TBC1D22A: variants seen among roughly 807,000 people sequenced by gnomAD.
TBC1D22A encodes putative GTPase activator.
A neutral mutation model predicts 60.2 loss-of-function variants in TBC1D22A; 38 were observed. The ratio of observed to expected loss-of-function variants is 0.63; its 90% confidence interval spans 0.49 to 0.83. TBC1D22A has a LOEUF of 0.83. Among genes scored for constraint, TBC1D22A ranks in the 40% least tolerant of loss-of-function variants. The probability of loss-of-function intolerance (pLI) is 0.00; values close to 1 mark genes in which losing one functional copy is unlikely to be tolerated. For missense variants in TBC1D22A, 628 were observed against 701.0 expected (o/e 0.90, Z 1.18); for synonymous variants, 302 against 281.7 (o/e 1.07, Z -0.72).
rs778372230 is a variant in TBC1D22A, at chr22:47,037,187, G to A, written c.1318G>A (p.Asp440Asn). ...CCTGCGTTGTACCATCCGCCTGTGG[G>A]ACACCTACCAGGTGAGCTCTCCTTC... Reference protein sequence around the residue: ...VPLRCTIRLWDTYQSEPDGFS... With the variant: ...VPLRCTIRLWNTYQSEPDGFS... Residue 440 changes from aspartate (D) to asparagine (N), a missense_variant, in exon 11 of 13, where the codon GAC becomes AAC. By Grantham distance (23) the Asp-to-Asn change is conservative (BLOSUM62 1). Coordinates refer to ENST00000337137, the MANE Select transcript of TBC1D22A (RefSeq NM_014346.5). 3.1e-6 allele frequency: 5 copies of A among 1,613,676 alleles called. No homozygotes were observed. Among genetic ancestry groups the A allele is most frequent in the Non-Finnish European group, 4.2e-6 (5 of 1,179,874 alleles).
intron 9 of TBC1D22A, among the ~76,000 whole-genome samples, chr22:46,983,189 C>A (rs57639715): frequency 6.6e-6 from 1 of 152,142 alleles, no homozygotes; most frequent in African/African-American, 2.4e-5. Context: ...ACCATCTGGT[C>A]AGAGGTTTCC....
At chr22:46,918,256 G>C (rs1394322196) in intron 8 of TBC1D22A, among the ~76,000 whole-genome samples, 1 of 152,226 alleles carries the variant, frequency 6.6e-6, no homozygotes, top group Non-Finnish European at 1.5e-5. Context: ...CCCTGTCCTA[G>C]GTTTGGAGAG....
At chr22:46,774,540 C>G (rs2083618157) in intron 1 of TBC1D22A, among the ~76,000 whole-genome samples, 1 of 152,246 alleles carries the variant, frequency 6.6e-6, no homozygotes, top group Admixed American at 6.5e-5. Context: ...GAAGTAGAGG[C>G]TGAGAACGTC....
chr22:47,164,444 A>AG (rs1337540404), intron 12 of TBC1D22A, among the ~76,000 whole-genome samples: 2 of 152,048 alleles, frequency 1.3e-5, no homozygotes, highest in African/African-American at 4.8e-5. Context: ...AGCTCCTCCT[A>AG]GGGAGGTTTT....
intron 12 of TBC1D22A, among the ~76,000 whole-genome samples, chr22:47,126,401 C>T (rs992215305): frequency 6.6e-6 from 1 of 152,172 alleles, no homozygotes; most frequent in Non-Finnish European, 1.5e-5. Context: ...TGGAGGTGGC[C>T]CACGCTTCCC....
At chr22:47,082,428 G>A (rs570373719) in intron 11 of TBC1D22A, among the ~76,000 whole-genome samples, 2 of 152,118 alleles carry the variant, frequency 1.3e-5, no homozygotes, top group Non-Finnish European at 2.9e-5. Context: ...TAATAGAATC[G>A]AGTAGAGATC....
At chr22:46,858,677 C>G (rs893554201) in intron 4 of TBC1D22A, among the ~76,000 whole-genome samples, 1 of 152,324 alleles carries the variant, frequency 6.6e-6, no homozygotes. Context: ...CTGAGCGATA[C>G]GCTGGCGGGT....
intron 12 of TBC1D22A, among the ~76,000 whole-genome samples, chr22:47,170,970 G>A (rs1409873636): frequency 6.6e-6 from 1 of 152,240 alleles, no homozygotes; most frequent in African/African-American, 2.4e-5. Flanking sequence ...GGATGGCCGG[G>A]GGGCCTGCCT....
chr22:46,804,740 G>A (rs2085055260), intron 4 of TBC1D22A, among the ~76,000 whole-genome samples: 1 of 152,202 alleles, frequency 6.6e-6, no homozygotes, highest in Non-Finnish European at 1.5e-5. Context: ...CAGTTTAATA[G>A]GAAACCTTTC....
intron 1 of TBC1D22A, among the ~76,000 whole-genome samples, chr22:46,785,655 A>G (rs5767357): frequency 0.51 from 77,183 of 152,044 alleles, 20,021 homozygotes; most frequent in Middle Eastern, 0.67. Flanking sequence ...TTCTCTGTAT[A>G]TAGAATTGTC....
At chr22:46,944,968 A>G (rs1034487187) in intron 8 of TBC1D22A, among the ~76,000 whole-genome samples, 9 of 152,212 alleles carry the variant, frequency 5.9e-5, no homozygotes, top group Non-Finnish European at 1.0e-4. Flanking sequence ...AGATTATCTC[A>G]ATTTCTGTCA....
At chr22:46,958,417 G>T (rs6009072) in intron 8 of TBC1D22A, among the ~76,000 whole-genome samples, 1 of 152,044 alleles carries the variant, frequency 6.6e-6, no homozygotes, top group Non-Finnish European at 1.5e-5. Context: ...ACCATCAGTC[G>T]TTACATTGGG....
chr22:46,945,343 T>G (rs1173396153), intron 8 of TBC1D22A, among the ~76,000 whole-genome samples: 1 of 152,250 alleles, frequency 6.6e-6, no homozygotes, highest in Non-Finnish European at 1.5e-5. Context: ...AGAAGGCCTG[T>G]TTGACCGTTG....
At chr22:47,068,772 C>T (rs1040902965) in intron 11 of TBC1D22A, among the ~76,000 whole-genome samples, 1 of 152,182 alleles carries the variant, frequency 6.6e-6, no homozygotes, top group Non-Finnish European at 1.5e-5. Flanking sequence ...AGGAGACATG[C>T]AAATGAGGCC....
At chr22:46,911,929 A>AC (rs1255786676) in intron 7 of TBC1D22A, 145 bp from the exon 8 acceptor site, 4 of 578,360 alleles carry the variant, frequency 6.9e-6, no homozygotes, top group East Asian at 6.0e-5. Flanking sequence ...AAAAAAAAAA[A>AC]AAAATTGATA....
At chr22:46,982,427 T>C (rs1201405378) in intron 9 of TBC1D22A, among the ~76,000 whole-genome samples, 1 of 152,116 alleles carries the variant, frequency 6.6e-6, no homozygotes, top group Non-Finnish European at 1.5e-5. Flanking sequence ...TTTCACCATG[T>C]TGGCCAGGAT....
chr22:46,977,186 C>G (rs1005494185), intron 9 of TBC1D22A, among the ~76,000 whole-genome samples: 5 of 152,184 alleles, frequency 3.3e-5, no homozygotes, highest in African/African-American at 1.2e-4. Flanking sequence ...GTCCCATTTG[C>G]AGGGAAGTTC....
rs143068090 is a variant in TBC1D22A at position 46,809,200 on chromosome 22, C to G, written c.637+11580C>G. On this transcript the variant is annotated intron_variant, in intron 4 of 12. Coordinates refer to ENST00000337137, the MANE Select transcript of TBC1D22A (RefSeq NM_014346.5). The stretch of plus-strand genomic sequence containing the variant: ...CGGGAAGGGCTCTCCTCCCGGCTTG[C>G]AGATGCCACATTTTTGCTGAGTTGT... Among the ~76,000 whole-genome samples the G allele has an allele frequency of 6.4e-3, 982 of 152,258 alleles. 2 individuals are homozygous for G. Among genetic ancestry groups the G allele is most frequent in the Non-Finnish European group, 9.2e-3 (627 of 68,024 alleles).
chr22:47,027,392 T>C (rs1444233677), intron 10 of TBC1D22A, among the ~76,000 whole-genome samples: 1 of 152,172 alleles, frequency 6.6e-6, no homozygotes, highest in African/African-American at 2.4e-5. Context: ...CATGAGTAAG[T>C]TCTTTAGTGG....
Sources: gnomAD v4.1 joint callset for allele counts (sites outside exome capture counted in the v4.1 genomes callset) on GRCh38, gnomAD v4.1.1 for gene constraint, MANE v1.5 for transcripts, NCBI Gene and HGNC (gene_info 2026-07-23, HGNC 2026-07-21) for gene names.